The following IGFN1 variants were observed in gnomAD, a reference collection of about 807,000 sequenced individuals.
The protein encoded by IGFN1 is immunoglobulin-like and fibronectin type III domain-containing protein 1.
A neutral mutation model predicts 289.5 loss-of-function variants in IGFN1; 253 were observed. That is an observed-to-expected ratio of 0.87 (90% CI 0.79 to 0.97). The LOEUF (loss-of-function observed/expected upper bound fraction) is 0.97. Ranked by LOEUF, IGFN1 falls within the 50% of genes least tolerant of loss-of-function variation. The pLI, the probability that IGFN1 is intolerant of heterozygous loss-of-function variation, is 0.00. For synonymous variants in IGFN1, 1,706 were observed against 1,788.5 expected, an observed-to-expected ratio of 0.95 and a Z score of 1.16; for missense variants, 4,470 against 4,686.1, an observed-to-expected ratio of 0.95 and a Z score of 1.35.
At chr1:201,228,170 C>T (rs552624722) in intron 23 of IGFN1, among the ~76,000 whole-genome samples, 40 of 152,260 alleles carry the variant, frequency 2.6e-4, no homozygotes, top group Non-Finnish European at 4.0e-4. Flanking sequence ...AGTCCCGGAA[C>T]GAAGATGGCA....
Position 201,207,579 on chromosome 1 carries a change from C to T in IGFN1, c.2686C>T (p.Leu896=). ...RSHWLSRAPG[L]GAQGSGGTLG... ...CCACTGGCTAAGTAGGGCTCCAGGC[C>T]TGGGTGCTCAGGGATCTGGGGGGAC... Residue 896 remains leucine, a synonymous_variant, in exon 12 of 24, where the codon CTG becomes TTG. Transcript: ENST00000335211. 2 of 1,536,922 alleles carry T rather than the reference C, an allele frequency of 1.3e-6. No homozygotes were observed. Among genetic ancestry groups the T allele is most frequent in the Non-Finnish European group, 1.7e-6 (2 of 1,146,876 alleles).
At position 201,190,895 on chromosome 1, in the gene IGFN1, G is replaced by C. The variant is rs1666626579; in HGVS notation, c.-60G>C. ...GGAGCAGACAGGAAGCGGGAGGTCA[G>C]CTGTACACCCAGGTAAGTGGGTGCT... On this transcript the variant is annotated 5_prime_UTR_variant, in exon 1 of 24. Coordinates refer to ENST00000335211, the MANE Select transcript of IGFN1 (RefSeq NM_001164586.2). The C allele has an allele frequency of 6.6e-6, 1 of 152,510 alleles. No homozygotes were observed. Among genetic ancestry groups the C allele is most frequent in the African/African-American group, 2.4e-5 (1 of 41,448 alleles). 9.4% of individuals were successfully genotyped at this position (152,510 alleles called of 1,614,324 possible).
At position 201,216,753 on chromosome 1, in the gene IGFN1, G is replaced by A. The variant is rs201915605; in HGVS notation, c.9595G>A (p.Ala3199Thr). ...TGAGGAGATATTGGTGGCTCCTGAG[G>A]GTGAGAGAAAAGGCTGGGGCTGGGG... ...ESEEILVAPE[A>T]LPKAPSAPAI... Residue 3199 changes from alanine (A) to threonine (T), a missense_variant and splice_region_variant, in exon 16 of 24, where the codon GCT becomes ACT. By Grantham distance (58) the Ala-to-Thr change is moderately conservative. Transcript: ENST00000335211. The A allele has an allele frequency of 1.9e-4, 296 of 1,599,408 alleles. No homozygotes were observed. Among genetic ancestry groups the A allele is most frequent in the Middle Eastern group, 1.2e-3 (7 of 5,804 alleles).
At position 201,217,293 on chromosome 1, in the gene IGFN1, C is replaced by G. The variant is rs201285921; in HGVS notation, c.9602C>G (p.Pro3201Arg). The change falls in exon 17 of 24, where the codon CCC becomes CGC. Residue 3201 changes from proline (P) to arginine (R), a missense_variant. By Grantham distance (103) the Pro-to-Arg change is moderately radical. Coordinates refer to ENST00000335211, the MANE Select transcript of IGFN1 (RefSeq NM_001164586.2). ...GAATCTTTCTTACCCCCAGCTCTCC[C>G]CAAGGCCCCTTCCGCGCCAGCCATC... ...EEILVAPEAL[P>R]KAPSAPAILS... is the part of the protein sequence containing the mutation. 3 of 1,613,716 alleles carry G rather than the reference C, an allele frequency of 1.9e-6. No homozygotes were observed. The South Asian group carries it at 3.3e-5, about 18-fold the overall frequency.
chr1:201,216,666 A>T lies in IGFN1; in HGVS notation c.9508A>T (p.Arg3170Trp). ...TFTDAHVEPG[R>W]KYTFRVRAVT... ...CACGGATGCCCATGTGGAGCCAGGC[A>T]GGAAGTATACCTTCCGAGTGCGGGC... The change falls in exon 16 of 24, where the codon AGG becomes TGG. Residue 3170 changes from arginine (R) to tryptophan (W), a missense_variant. Coordinates refer to ENST00000335211, the MANE Select transcript of IGFN1 (RefSeq NM_001164586.2). The T allele has an allele frequency of 6.2e-7, 1 of 1,614,070 alleles. No individual in the cohort carries two copies. The highest frequency in any genetic ancestry group is 1.1e-5 in the South Asian group (1 of 91,090).
At position 201,213,093 on chromosome 1, in the gene IGFN1, C is replaced by A. The variant is rs940730984; in HGVS notation, c.8200C>A (p.Pro2734Thr). The A allele has an allele frequency of 6.4e-7, 1 of 1,551,438 alleles. No individual in the cohort carries two copies. The highest frequency in any genetic ancestry group is 1.4e-5 in the African/African-American group (1 of 73,022). ...CACCCCAAAACCTGGGGAGTCCGGA[C>A]CTCAGGGAGCCTGGAATGGCTTAGA... ...ALTPKPGESG[P>T]QGAWNGLDGP... The change falls in exon 12 of 24, where the codon CCT (proline) becomes ACT (threonine). Residue 2734 changes from proline to threonine, a missense_variant. Coordinates refer to ENST00000335211, the MANE Select transcript of IGFN1 (RefSeq NM_001164586.2).
chr1:201,218,141 A>G (rs1653451136), intron 17 of IGFN1, among the ~76,000 whole-genome samples: 1 of 152,254 alleles, frequency 6.6e-6, no homozygotes, highest in Admixed American at 6.5e-5. Flanking sequence ...TGGTTCTGCT[A>G]CTTAGGAGCT....
rs1417244013 is a variant in IGFN1 at position 201,206,420 on chromosome 1, C to T, written c.1527C>T (p.His509=). The part of the protein sequence containing the change: ...RATLPRENQS[H]REGGWARSLA... The stretch of plus-strand genomic sequence containing the variant: ...CTCTTCCCAGGGAAAATCAATCCCA[C>T]AGAGAGGGAGGCTGGGCCAGAAGCC... The change falls in exon 12 of 24, where the codon CAC becomes CAT. Residue 509 remains histidine (H), a synonymous_variant. Coordinates refer to ENST00000335211, the MANE Select transcript of IGFN1 (RefSeq NM_001164586.2). 4 of 1,550,980 alleles carry T rather than the reference C, an allele frequency of 2.6e-6. No homozygotes were observed. In the African/African-American group the frequency reaches 5.5e-5, roughly 21 times the overall value.
At chr1:201,226,213 G>A (rs540746476) in intron 22 of IGFN1, 90 bp downstream of exon 22, 2 of 1,357,610 alleles carry the variant, frequency 1.5e-6, no homozygotes, top group African/African-American at 3.0e-5. Context: ...AAGCGCGCAG[G>A]ATAGGGACTG....
chr1:201,222,952 C>T, intron 20 of IGFN1, 125 bp downstream of exon 20: 1 of 565,152 alleles, frequency 1.8e-6, no homozygotes, highest in Non-Finnish European at 3.1e-6. Flanking sequence ...GTGGAAATCA[C>T]TGACTGGGCT....
Position 201,207,560 on chromosome 1 carries a change from G to C in IGFN1, c.2667G>C (p.Trp889Cys). 1 of 1,536,966 alleles carries C rather than the reference G, an allele frequency of 6.5e-7. No individual in the cohort carries two copies. The highest frequency in any genetic ancestry group is 8.7e-7 in the Non-Finnish European group (1 of 1,146,862). The change falls in exon 12 of 24, where the codon TGG becomes TGC. Residue 889 changes from tryptophan (W) to cysteine (C), a missense_variant. Around this residue, in one of 8 missense-constraint regions of IGFN1, gnomAD observed 2,011 missense variants for 1,953.4 expected, o/e 1.03. Transcript: ENST00000335211. ...AGGGGGTGGATGCCAGAAGCCACTGGCTAAGTAGGGCTCCAGGCCTGGGTG... is the reference window on the plus strand; with the variant it reads ...AGGGGGTGGATGCCAGAAGCCACTGCCTAAGTAGGGCTCCAGGCCTGGGTG... Reference protein sequence around the residue: ...SGQGVDARSHWLSRAPGLGAQ... With the variant: ...SGQGVDARSHCLSRAPGLGAQ...
rs540288196 is a variant in IGFN1 at position 201,219,194 on chromosome 1, C to T, written c.9898+536C>T. Among the ~76,000 whole-genome samples, 5 of 152,346 alleles carry T rather than the reference C, an allele frequency of 3.3e-5. No homozygotes were observed. The South Asian group carries it at 8.3e-4, about 25-fold the overall frequency. ...ACTCACCCTAGTGTTGCCCATCAGG[C>T]AGGGCGGAGGGCAGGTAACAGGGGA... is the stretch of plus-strand genomic sequence containing the variant. On this transcript the variant is annotated intron_variant, in intron 18 of 23. Coordinates refer to ENST00000335211, the MANE Select transcript of IGFN1 (RefSeq NM_001164586.2).
At chr1:201,216,057 G>T (rs934274064) in intron 15 of IGFN1, 5 of 718,898 alleles carry the variant, frequency 7.0e-6, no homozygotes, top group South Asian at 3.0e-5. Context: ...GGGAGGAGCC[G>T]GTTATGCTTC....
chr1:201,207,152 G>T lies in IGFN1; in HGVS notation c.2259G>T (p.Leu753=). 1.4e-5 allele frequency: 22 copies of T among 1,537,020 alleles called. No homozygotes were observed. Among genetic ancestry groups the T allele is most frequent in the Non-Finnish European group, 1.9e-5 (22 of 1,146,876 alleles). The change falls in exon 12 of 24, where the codon CTG becomes CTT. Residue 753 remains leucine (L), a synonymous_variant. Coordinates refer to ENST00000335211, the MANE Select transcript of IGFN1 (RefSeq NM_001164586.2). The stretch of plus-strand genomic sequence containing the variant: ...CTGAGATCAAAGCTGAAGACTCACT[G>T]CAGGAGGCAGATGGTATATGCCGGG... ...GSPEIKAEDS[L]QEADGICRGE...
chr1:201,224,277 A>G (rs1270163754), intron 20 of IGFN1, among the ~76,000 whole-genome samples: 6 of 152,020 alleles, frequency 3.9e-5, no homozygotes, highest in Non-Finnish European at 8.8e-5. Flanking sequence ...CCCTCCCCAC[A>G]CATCCCTTCT....
At position 201,211,861 on chromosome 1, in the gene IGFN1, G is replaced by T. The variant is rs752983395; in HGVS notation, c.6968G>T (p.Arg2323Met). ...TTGTCATGGAATGAGGCAGGTTCTA[G>T]GCAAGGCTTTGGGGGAACTAGTGGC... ...YILSWNEAGSRQGFGGTSGMG... is the reference protein window; with the variant it reads ...YILSWNEAGSMQGFGGTSGMG... Residue 2323 changes from arginine (R) to methionine (M), a missense_variant, in exon 12 of 24, where the codon AGG becomes ATG. Physicochemically the swap from Arg to Met is moderately conservative, Grantham distance 91 (BLOSUM62 -1). This residue lies in a region of IGFN1 where 2,218 missense variants were observed against 2,114.1 expected (regional missense o/e 1.05). Transcript: ENST00000335211. 1.2e-5 allele frequency: 18 copies of T among 1,535,070 alleles called. No individual in the cohort carries two copies. Among genetic ancestry groups the T allele is most frequent in the Non-Finnish European group, 1.6e-5 (18 of 1,145,700 alleles).
rs149298431 is a variant in IGFN1, at chr1:201,215,733, C to T, written c.9190C>T (p.Arg3064Trp). 59 of 1,611,328 alleles carry T rather than the reference C, an allele frequency of 3.7e-5. No individual in the cohort carries two copies. Among genetic ancestry groups the T allele is most frequent in the South Asian group, 7.7e-5 (7 of 90,618 alleles). The change falls in exon 15 of 24, where the codon CGG becomes TGG. Residue 3064 changes from arginine (R) to tryptophan (W), a missense_variant. Around this residue, in one of 8 missense-constraint regions of IGFN1, gnomAD observed 2,218 missense variants for 2,114.1 expected, o/e 1.05. Transcript: ENST00000335211. ...AQVDLGDGYT[R>W]LCLPSAGRKD... is the part of the protein sequence containing the mutation. The stretch of plus-strand genomic sequence containing the variant: ...GGTGGACCTGGGGGATGGCTACACG[C>T]GGCTGTGCCTCCCCAGCGCAGGCAG...
chr1:201,191,524 G>A (rs1415350573), intron 1 of IGFN1, among the ~76,000 whole-genome samples: 1 of 152,128 alleles, frequency 6.6e-6, no homozygotes, highest in African/African-American at 2.4e-5. Flanking sequence ...GGGAAGAACT[G>A]GAGTTCTTCT....
chr1:201,195,795 TC>T, intron 3 of IGFN1, 43 bp from the exon 4 acceptor site: 2 of 1,533,794 alleles, frequency 1.3e-6, no homozygotes, highest in African/African-American at 2.8e-5. Context: ...ACAGTCACCC[TC>T]TCCCAACTTG....
Sources: allele counts gnomAD v4.1 joint callset (sites outside exome capture counted in the v4.1 genomes callset), GRCh38; gene constraint gnomAD v4.1.1; regional missense constraint gnomAD v4.1.1; transcripts MANE v1.5; gene names NCBI Gene and HGNC (gene_info 2026-07-23, HGNC 2026-07-21).